Variants in NKAIN1 observed in about 807,000 individuals in gnomAD.
NKAIN1 encodes sodium/potassium transporting ATPase interacting 1.
Under a neutral mutation model 31.6 loss-of-function variants are expected in NKAIN1, and 13 were observed. That is an observed-to-expected ratio of 0.41 (90% CI 0.27 to 0.65). The LOEUF (loss-of-function observed/expected upper bound fraction) is 0.65. Ranked by LOEUF, NKAIN1 falls within the 30% of genes least tolerant of loss-of-function variation. The pLI is 0.30. For synonymous variants in NKAIN1, 104 were observed against 109.0 expected, an observed-to-expected ratio of 0.95 and a Z score of 0.28; for missense variants, 193 against 262.2, an observed-to-expected ratio of 0.74 and a Z score of 1.82.
intron 1 of NKAIN1, among the ~76,000 whole-genome samples, chr1:31,218,024 C>CTTTCTTTCT (rs1557659887): frequency 2.3e-5 from 2 of 86,094 alleles, no homozygotes; most frequent in Non-Finnish European, 4.2e-5. Flanking sequence ...CATTTTCTTT[C>CTTTCTTTCT]TTTCTTTCTT....
At chr1:31,199,990 AAC>A (rs1200502145) in intron 1 of NKAIN1, among the ~76,000 whole-genome samples, 2 of 147,914 alleles carry the variant, frequency 1.4e-5, no homozygotes, top group Admixed American at 7.1e-5. Flanking sequence ...CTGGTCCCCG[AAC>A]ACACACACAC....
At chr1:31,189,608 C>T (rs972753119) in intron 1 of NKAIN1, among the ~76,000 whole-genome samples, 18 of 152,334 alleles carry the variant, frequency 1.2e-4, no homozygotes, top group African/African-American at 2.9e-4. Flanking sequence ...TGAGCCACTG[C>T]GCCCAGCCAA....
At chr1:31,225,084 G>C (rs1465894186) in intron 1 of NKAIN1, among the ~76,000 whole-genome samples, 10 of 140,330 alleles carry the variant, frequency 7.1e-5, no homozygotes, top group African/African-American at 2.9e-4. Context: ...CTGGAGTGCA[G>C]TGGCACAATC....
chr1:31,218,798 C>G (rs1227705985), intron 1 of NKAIN1, among the ~76,000 whole-genome samples: 1 of 152,254 alleles, frequency 6.6e-6, no homozygotes, highest in Non-Finnish European at 1.5e-5. Context: ...GATTCCCAGG[C>G]TGGGCCCCAG....
At chr1:31,182,380 A>G (rs1570446819) in intron 5 of NKAIN1, 150 bp downstream of exon 5, 2 of 798,702 alleles carry the variant, frequency 2.5e-6, no homozygotes, top group Admixed American at 2.4e-5. Flanking sequence ...GCTGGTATGC[A>G]GAGCCTTCCA....
intron 1 of NKAIN1, among the ~76,000 whole-genome samples, chr1:31,210,838 G>C (rs955406062): frequency 6.6e-5 from 10 of 152,214 alleles, no homozygotes; most frequent in Non-Finnish European, 2.9e-5. Context: ...TCCATCAGCT[G>C]TTGTGAGTCC....
chr1:31,203,098 C>T (rs1003064136), intron 1 of NKAIN1, among the ~76,000 whole-genome samples: 4 of 150,780 alleles, frequency 2.7e-5, no homozygotes, highest in African/African-American at 9.8e-5. Context: ...CATGGTGAAA[C>T]CCATCTCTAC....
chr1:31,205,586 C>T lies in NKAIN1; in HGVS notation c.55-17399G>A, dbSNP rs142953917. Among the ~76,000 whole-genome samples the T allele has an allele frequency of 6.7e-4, 98 of 146,484 alleles. 1 individual carries two copies. The highest frequency in any genetic ancestry group is 2.3e-3 in the African/African-American group (92 of 40,046). On this transcript the variant is annotated intron_variant, in intron 1 of 6. Transcript: ENST00000373736. ...TCTCCCAAAGTGCTGGGATTACAGG[C>T]GTGAGCAACCACGCCCAGCCGGACA...
At chr1:31,197,681 G>A (rs1232789968) in intron 1 of NKAIN1, among the ~76,000 whole-genome samples, 2 of 149,768 alleles carry the variant, frequency 1.3e-5, no homozygotes, top group Non-Finnish European at 3.0e-5. Flanking sequence ...GGAGTAGCTG[G>A]GATTACAGGC....
chr1:31,183,789 G>A (rs1472369937), intron 4 of NKAIN1, 28 bp downstream of exon 4: 2 of 1,597,252 alleles, frequency 1.3e-6, no homozygotes, highest in African/African-American at 1.3e-5. Context: ...CGGGAAGTGT[G>A]TGTAGGGTGG....
intron 1 of NKAIN1, among the ~76,000 whole-genome samples, chr1:31,190,111 G>T (rs1230305444): frequency 6.6e-6 from 1 of 152,196 alleles, no homozygotes; most frequent in African/African-American, 2.4e-5. Flanking sequence ...GGGTCTGGCT[G>T]GGGAGGGGGA....
intron 1 of NKAIN1, among the ~76,000 whole-genome samples, chr1:31,222,361 A>T (rs1294386634): frequency 2.6e-5 from 4 of 152,224 alleles, no homozygotes; most frequent in African/African-American, 9.6e-5. Flanking sequence ...CTGGGAAGTC[A>T]GGGACCCCTG....
chr1:31,207,987 AG>A (rs1197809584), intron 1 of NKAIN1, among the ~76,000 whole-genome samples: 1 of 152,022 alleles, frequency 6.6e-6, no homozygotes, highest in Non-Finnish European at 1.5e-5. Context: ...CCACCACCCC[AG>A]GTTTCCCCAC....
chr1:31,216,644 C>T (rs1645514778), intron 1 of NKAIN1, among the ~76,000 whole-genome samples: 1 of 152,000 alleles, frequency 6.6e-6, no homozygotes, highest in Non-Finnish European at 1.5e-5. Context: ...GGGGCGAGGC[C>T]ATCATCAGTG....
chr1:31,239,525 C>A lies in NKAIN1; in HGVS notation c.23G>T (p.Cys8Phe). Residue 8 changes from cysteine (C) to phenylalanine (F), a missense_variant, in exon 1 of 7, where the codon TGC becomes TTC. Cys to Phe is a radical substitution (Grantham distance 205). Coordinates refer to ENST00000373736, the MANE Select transcript of NKAIN1 (RefSeq NM_024522.3). This position sits in a 1 kb window ranked among gnomAD's most constrained non-coding sequence, Gnocchi z 4.8. ...CAGGCAGCAGAAGGCGACCAGCGTG[C>A]AGCGCCCGCTGCACTTGCCCATGGC... Reference protein sequence around the residue: MGKCSGRCTLVAFCCLQL... With the variant: MGKCSGRFTLVAFCCLQL... 7.3e-7 allele frequency: 1 copy of A among 1,375,200 alleles called. No homozygotes were observed. The allele number at this position is 1,375,200 out of a possible 1,614,324, so 85.2% of individuals were successfully genotyped here.
chr1:31,193,478 C>T (rs1199220902), intron 1 of NKAIN1, among the ~76,000 whole-genome samples: 3 of 151,816 alleles, frequency 2.0e-5, no homozygotes, highest in Non-Finnish European at 4.4e-5. Context: ...GGGTGGATCA[C>T]GAGGTCAGGA....
chr1:31,199,720 T>C (rs1162670421), intron 1 of NKAIN1, among the ~76,000 whole-genome samples: 1 of 152,084 alleles, frequency 6.6e-6, no homozygotes, highest in Non-Finnish European at 1.5e-5. Context: ...AAAGGAACAG[T>C]CACAGAGACC....
At chr1:31,197,153 C>T (rs1645333875) in intron 1 of NKAIN1, among the ~76,000 whole-genome samples, 1 of 150,506 alleles carries the variant, frequency 6.6e-6, no homozygotes, top group African/African-American at 2.5e-5. Context: ...ACTCTGCCGC[C>T]CAGGCTGGAG....
At chr1:31,198,332 C>T (rs1362765157) in intron 1 of NKAIN1, among the ~76,000 whole-genome samples, 4 of 152,168 alleles carry the variant, frequency 2.6e-5, no homozygotes, top group South Asian at 2.1e-4. Flanking sequence ...TACCTGCTCA[C>T]GTGCAGCCCC....
Sources: gnomAD v4.1 joint callset for allele counts (sites outside exome capture counted in the v4.1 genomes callset) on GRCh38, gnomAD v4.1.1 for gene constraint, Gnocchi (gnomAD v3.1) non-coding constraint, MANE v1.5 for transcripts, NCBI Gene and HGNC (gene_info 2026-07-23, HGNC 2026-07-21) for gene names.